Variants in COL5A1 observed in about 807,000 individuals in gnomAD.
COL5A1 encodes the protein collagen alpha-1(V) chain.
A neutral mutation model predicts 263.7 loss-of-function variants in COL5A1; 16 were observed. The observed-to-expected ratio is 0.06, with a 90% CI of 0.04 to 0.09. COL5A1 has a LOEUF of 0.09. COL5A1 is among the 10% of genes least tolerant of loss of function. The pLI, the probability that COL5A1 is intolerant of heterozygous loss-of-function variation, is 1.00. For synonymous variants in COL5A1, 1,012 were observed against 1,004.5 expected, an observed-to-expected ratio of 1.01 and a Z score of -0.14; for missense variants, 2,036 against 2,540.5, an observed-to-expected ratio of 0.80 and a Z score of 4.27.
At chr9:134,728,868 G>A (rs1834756396) in intron 6 of COL5A1, 61 bp downstream of exon 6, 2 of 1,605,678 alleles carry the variant, frequency 1.2e-6, no homozygotes, top group Non-Finnish European at 1.7e-6. Context: ...TGCAGGGGAG[G>A]GCGAGGCCAG....
intron 43 of COL5A1, among the ~76,000 whole-genome samples, 194 bp downstream of exon 43, chr9:134,809,484 G>A (rs774046930): frequency 4.6e-5 from 7 of 152,048 alleles, no homozygotes; most frequent in South Asian, 2.1e-4. Flanking sequence ...AATACACGCC[G>A]TCCCCGGCAC....
intron 1 of COL5A1, among the ~76,000 whole-genome samples, chr9:134,673,918 G>A (rs1049771087): frequency 6.6e-6 from 1 of 152,214 alleles, no homozygotes; most frequent in African/African-American, 2.4e-5. Flanking sequence ...TCAGACAAAT[G>A]TTCCAGAAAA....
intron 65 of COL5A1, among the ~76,000 whole-genome samples, chr9:134,839,666 G>A (rs936130071): frequency 1.3e-5 from 2 of 152,328 alleles, no homozygotes; most frequent in African/African-American, 4.8e-5. Context: ...CCCTGGGTGG[G>A]ACTGGGCCAG....
intron 5 of COL5A1, among the ~76,000 whole-genome samples, chr9:134,728,236 G>C (rs572337815): frequency 1.3e-4 from 20 of 152,340 alleles, no homozygotes; most frequent in Non-Finnish European, 2.5e-4. Flanking sequence ...TGTGGGAATG[G>C]GCTCAGGACA....
At chr9:134,816,328 CA>C (rs1838743659) in intron 52 of COL5A1, among the ~76,000 whole-genome samples, 1 of 152,190 alleles carries the variant, frequency 6.6e-6, no homozygotes, top group African/African-American at 2.4e-5. Context: ...TGCCTCTCCT[CA>C]CCAGGCCCTT....
chr9:134,824,511 G>T, intron 61 of COL5A1, 89 bp from the exon 62 acceptor site: 2 of 1,557,890 alleles, frequency 1.3e-6, no homozygotes, highest in East Asian at 2.3e-5. Context: ...AACCCCTGCA[G>T]ATGTGGCCCC....
chr9:134,670,113 T>C (rs1265271076), intron 1 of COL5A1, among the ~76,000 whole-genome samples: 1 of 152,240 alleles, frequency 6.6e-6, no homozygotes, highest in Admixed American at 6.5e-5. Flanking sequence ...CAGCTCTTTG[T>C]AAATATCTCA....
chr9:134,654,345 G>C (rs1459265173), intron 1 of COL5A1, among the ~76,000 whole-genome samples: 2 of 136,060 alleles, frequency 1.5e-5, no homozygotes, highest in African/African-American at 2.8e-5. Context: ...AGGGCTGGGG[G>C]TGTGTAGGGC....
At position 134,739,953 on chromosome 9, in the gene COL5A1, G is replaced by A. The variant is rs147009591; in HGVS notation, c.1494+1145G>A. On this transcript the variant is annotated intron_variant, in intron 11 of 65. Coordinates refer to ENST00000371817, the MANE Select transcript of COL5A1 (RefSeq NM_000093.5). ...AGCTATGCGGGAGGAGGTTGTTATCGTTCTGTGTGGCTGGGTGACCTCTGA... is the reference window on the plus strand; with the variant it reads ...AGCTATGCGGGAGGAGGTTGTTATCATTCTGTGTGGCTGGGTGACCTCTGA... Among the ~76,000 whole-genome samples the A allele has an allele frequency of 1.1e-3, 161 of 152,290 alleles. 1 individual carries two copies. Among genetic ancestry groups the A allele is most frequent in the African/African-American group, 3.4e-3 (142 of 41,552 alleles).
chr9:134,768,608 G>C (rs1031048478), intron 25 of COL5A1, 145 bp downstream of exon 25: 6 of 781,136 alleles, frequency 7.7e-6, no homozygotes, highest in African/African-American at 3.4e-5. Flanking sequence ...TTGGTCTCCA[G>C]TTGGACTGCT....
In COL5A1 at chr9:134,815,709, G is replaced by C. The variant is rs1007851730; in HGVS notation, c.4068+80G>C. ...TGCCAGCCCCATTTCCCCTCTTTCT[G>C]GTGGTTCTTTGTGATGAACTCCCAC... is the stretch of plus-strand genomic sequence containing the variant. On this transcript the variant is annotated intron_variant, in intron 51 of 65. Transcript: ENST00000371817. 2.7e-6 allele frequency: 4 copies of C among 1,504,508 alleles called. No individual in the cohort carries two copies. The Admixed American group carries it at 5.4e-5, about 20-fold the overall frequency. 93.2% of individuals were successfully genotyped at this position (1,504,508 alleles called of 1,614,324 possible). A position where few individuals can be genotyped will look rare whatever the true frequency, so the allele number is the denominator to read the frequency against.
intron 1 of COL5A1, among the ~76,000 whole-genome samples, chr9:134,666,719 C>T (rs1032743564): frequency 6.6e-6 from 1 of 152,162 alleles, no homozygotes; most frequent in African/African-American, 2.4e-5. Flanking sequence ...GCTAGCCCAT[C>T]GTGACCCTTT....
intron 64 of COL5A1, among the ~76,000 whole-genome samples, chr9:134,833,757 A>C (rs1353224870): frequency 6.6e-6 from 1 of 152,196 alleles, no homozygotes; most frequent in East Asian, 1.9e-4. Context: ...AGCTGCTCAC[A>C]GTCTCCCTGG....
intron 9 of COL5A1, among the ~76,000 whole-genome samples, chr9:134,735,828 T>C (rs559039610): frequency 7.9e-5 from 12 of 152,238 alleles, no homozygotes; most frequent in Non-Finnish European, 1.6e-4. Context: ...CACGGGTGTC[T>C]CTCTGAGTGT....
intron 31 of COL5A1, among the ~76,000 whole-genome samples, chr9:134,786,826 C>T (rs549475065): frequency 2.6e-5 from 4 of 152,202 alleles, no homozygotes; most frequent in Admixed American, 6.5e-5. Context: ...TGCCTCTGCC[C>T]GAGGCATCTC....
intron 4 of COL5A1, among the ~76,000 whole-genome samples, chr9:134,721,282 A>G (rs932334747): frequency 9.2e-6 from 1 of 108,734 alleles, no homozygotes; most frequent in South Asian, 2.9e-4. Context: ...ACCCCCATCC[A>G]GGGCTGCCCA....
At chr9:134,699,138 A>T (rs924811614) in intron 2 of COL5A1, among the ~76,000 whole-genome samples, 1 of 152,052 alleles carries the variant, frequency 6.6e-6, no homozygotes, top group Non-Finnish European at 1.5e-5. Context: ...GATGGACAGG[A>T]GGGGCTGGGG....
intron 57 of COL5A1, among the ~76,000 whole-genome samples, chr9:134,819,780 C>A (rs535585451): frequency 6.6e-6 from 1 of 152,292 alleles, no homozygotes; most frequent in South Asian, 2.1e-4. Flanking sequence ...TAGGAGCAGG[C>A]GTTCGGATTT....
At position 134,754,287 on chromosome 9, in the gene COL5A1, G is replaced by T. The variant is rs368129835; in HGVS notation, c.1788G>T (p.Val596=). 11 of 1,613,858 alleles carry T rather than the reference G, an allele frequency of 6.8e-6. No individual in the cohort carries two copies. The highest frequency in any genetic ancestry group is 9.3e-6 in the Non-Finnish European group (11 of 1,180,048). ...ACCCCTGGCAGGGTCCTCGAGGTGT[G>T]CAAGGCCCGCCTGGTCCGGCCGGGA... ...GDVGPQGPRG[V]QGPPGPAGKP... Residue 596 remains valine (V), a synonymous_variant, in exon 16 of 66, where the codon GTG becomes GTT. Coordinates refer to ENST00000371817, the MANE Select transcript of COL5A1 (RefSeq NM_000093.5). This position sits in a 1 kb window ranked among gnomAD's most constrained non-coding sequence, Gnocchi z 4.3.
Sources: gnomAD v4.1 joint callset for allele counts (sites outside exome capture counted in the v4.1 genomes callset) on GRCh38, gnomAD v4.1.1 for gene constraint, Gnocchi (gnomAD v3.1) non-coding constraint, MANE v1.5 for transcripts, NCBI Gene and HGNC (gene_info 2026-07-23, HGNC 2026-07-21) for gene names.